FAM193A: variants seen among roughly 807,000 people sequenced by gnomAD.
FAM193A encodes protein FAM193A.
A neutral mutation model predicts 126.5 loss-of-function variants in FAM193A; 22 were observed. The ratio of observed to expected loss-of-function variants is 0.17; its 90% CI spans 0.12 to 0.25. The LOEUF is 0.25. Ranked by LOEUF, FAM193A falls within the 10% of genes least tolerant of loss-of-function variation. The pLI is 1.00. For synonymous variants in FAM193A, 761 were observed against 646.8 expected, an observed-to-expected ratio of 1.18 and a Z score of -2.68; for missense variants, 1,675 against 1,672.8, an observed-to-expected ratio of 1.00 and a Z score of -0.02.
At chr4:2,669,144 G>T (rs1301742467) in intron 12 of FAM193A, among the ~76,000 whole-genome samples, 1 of 152,096 alleles carries the variant, frequency 6.6e-6, no homozygotes, top group South Asian at 2.1e-4. Context: ...CGCCTGGCCT[G>T]TATTTATACA....
At chr4:2,562,339 C>T (rs1321456254) in intron 1 of FAM193A, among the ~76,000 whole-genome samples, 1 of 152,084 alleles carries the variant, frequency 6.6e-6, no homozygotes, top group Non-Finnish European at 1.5e-5. Flanking sequence ...GTAGTCCTAG[C>T]TACCCAGGAG....
At chr4:2,699,162 C>A (rs1560583886) in intron 18 of FAM193A, among the ~76,000 whole-genome samples, 2 of 152,202 alleles carry the variant, frequency 1.3e-5, no homozygotes, top group African/African-American at 2.4e-5. Context: ...CAGCCTGGTA[C>A]ACATTTCTTA....
intron 19 of FAM193A, among the ~76,000 whole-genome samples, chr4:2,714,031 G>A (rs12499258): frequency 0.37 from 56,577 of 152,000 alleles, 11,092 homozygotes; most frequent in Admixed American, 0.54. Flanking sequence ...GGAAAAGAGA[G>A]TATTAGAAAT....
At chr4:2,715,484 T>C (rs539467325) in intron 19 of FAM193A, 1 of 985,580 alleles carries the variant, frequency 1.0e-6, no homozygotes, top group East Asian at 1.1e-4. Flanking sequence ...AATCTCTGGA[T>C]GTCATATGGG....
At chr4:2,536,158 C>A (rs1429855646), upstream of FAM193A, among the ~76,000 whole-genome samples, 8 of 151,254 alleles carry the variant, frequency 5.3e-5, no homozygotes, top group Non-Finnish European at 1.2e-4. Context: ...GACAGGGGCG[C>A]GGGCGAGGCG....
At chr4:2,542,612 T>A (rs1737299523) in intron 1 of FAM193A, among the ~76,000 whole-genome samples, 1 of 152,190 alleles carries the variant, frequency 6.6e-6, no homozygotes, top group Non-Finnish European at 1.5e-5. Flanking sequence ...TCCCCACAGA[T>A]GGTGAGCTTT....
chr4:2,541,771 C>T (rs565843226), intron 1 of FAM193A, among the ~76,000 whole-genome samples: 3 of 151,962 alleles, frequency 2.0e-5, no homozygotes, highest in Non-Finnish European at 4.4e-5. Flanking sequence ...TTGTGTGCTG[C>T]ACCTTGACAG....
At chr4:2,569,963 G>A (rs189161806) in intron 1 of FAM193A, among the ~76,000 whole-genome samples, 2 of 152,212 alleles carry the variant, frequency 1.3e-5, no homozygotes, top group East Asian at 3.9e-4. Context: ...ACCATAATTT[G>A]ATTTCGTCTC....
At position 2,670,955 on chromosome 4, in the gene FAM193A, G is replaced by C. The variant is rs1412723751; in HGVS notation, c.2080-1166G>C. On this transcript the variant is annotated intron_variant, in intron 12 of 20. Transcript: ENST00000637812. ...GTATCTCCCACATTATGTGGCTGTG[G>C]GTGTCTCAGCTTACTTCTTCTCTTC... 3.9e-5 allele frequency among the ~76,000 whole-genome samples: 6 copies of C among 152,196 alleles called. 1 individual carries two copies. The highest frequency in any genetic ancestry group is 1.2e-4 in the African/African-American group (5 of 41,504).
chr4:2,702,240 T>C (rs918535575), intron 19 of FAM193A, among the ~76,000 whole-genome samples: 4 of 152,240 alleles, frequency 2.6e-5, no homozygotes, highest in Admixed American at 6.5e-5. Flanking sequence ...GAACACTCTT[T>C]ATGTTGCTGT....
intron 1 of FAM193A, among the ~76,000 whole-genome samples, chr4:2,594,173 T>C (rs901602735): frequency 6.6e-6 from 1 of 152,224 alleles, no homozygotes; most frequent in Non-Finnish European, 1.5e-5. Context: ...TGTCATTCAT[T>C]CTTTCAATCA....
chr4:2,729,641 G>A (rs1476129611), intron 20 of FAM193A, among the ~76,000 whole-genome samples: 3 of 152,102 alleles, frequency 2.0e-5, no homozygotes, highest in Non-Finnish European at 2.9e-5. Flanking sequence ...GACACATACG[G>A]ATTCGCCACC....
chr4:2,714,570 G>A (rs553444914), intron 19 of FAM193A, among the ~76,000 whole-genome samples: 65 of 152,268 alleles, frequency 4.3e-4, no homozygotes, highest in African/African-American at 1.5e-3. Flanking sequence ...CAGGGATACA[G>A]TTGGGATCCG....
intron 1 of FAM193A, among the ~76,000 whole-genome samples, chr4:2,566,236 A>G (rs1738938682): frequency 6.6e-6 from 1 of 152,038 alleles, no homozygotes; most frequent in Non-Finnish European, 1.5e-5. Context: ...TTTAGTAGAG[A>G]TGGGGTTTCA....
chr4:2,543,777 G>C (rs1467694261), intron 1 of FAM193A, among the ~76,000 whole-genome samples: 1 of 143,076 alleles, frequency 7.0e-6, no homozygotes, highest in Non-Finnish European at 1.5e-5. Context: ...AGAATCGCCT[G>C]AACCCGGGGT....
At chr4:2,549,360 A>G (rs1203163743) in intron 1 of FAM193A, among the ~76,000 whole-genome samples, 2 of 146,426 alleles carry the variant, frequency 1.4e-5, no homozygotes, top group East Asian at 2.0e-4. Context: ...GCTCCAGGTT[A>G]TGACGATTTT....
At chr4:2,629,727 C>CGAA (rs151019085) in intron 4 of FAM193A, among the ~76,000 whole-genome samples, 3 of 152,232 alleles carry the variant, frequency 2.0e-5, no homozygotes, top group East Asian at 3.8e-4. Context: ...GGGTTATGGA[C>CGAA]GAATTTTTAT....
chr4:2,708,244 G>C (rs1486562126), intron 19 of FAM193A: 1 of 416,034 alleles, frequency 2.4e-6, no homozygotes, highest in African/African-American at 2.1e-5. Context: ...TGCTGCCTCA[G>C]CCTCCCAAGT....
Position 2,633,564 on chromosome 4 carries a change from C to T in FAM193A, c.1038+2395C>T, listed in dbSNP as rs559019215. Among the ~76,000 whole-genome samples the T allele has an allele frequency of 1.6e-4, 25 of 151,780 alleles. No individual in the cohort carries two copies. In the East Asian group the frequency reaches 4.7e-3, roughly 28 times the overall value. On this transcript the variant is annotated intron_variant, in intron 5 of 20. Coordinates refer to ENST00000637812, the MANE Select transcript of FAM193A (RefSeq NM_001366318.2). ...GCAGACTAGATACCCTTAACTATTC[C>T]TTCCTCCAAGGGAAACAACTGAATT...
Sources: gnomAD v4.1 joint callset for allele counts (sites outside exome capture counted in the v4.1 genomes callset) on GRCh38, gnomAD v4.1.1 for gene constraint, MANE v1.5 for transcripts, NCBI Gene and HGNC (gene_info 2026-07-23, HGNC 2026-07-21) for gene names.